Variants in ZNF135 observed in about 807,000 individuals in gnomAD.
ZNF135 encodes zinc finger protein 135, also known as zinc finger protein 135 (clone pHZ-17).
A neutral mutation model predicts 12.3 loss-of-function variants in ZNF135; 11 were observed. The observed-to-expected ratio is 0.89, with a 90% CI of 0.56 to 1.48. The LOEUF (loss-of-function observed/expected upper bound fraction) is 1.48. Among genes scored for constraint, ZNF135 ranks in the 40% most tolerant of loss-of-function variants. The pLI, the probability that ZNF135 is intolerant of heterozygous loss-of-function variation, is 0.00. For missense variants in ZNF135, 722 were observed against 815.7 expected (o/e 0.89, Z 1.40); for synonymous variants, 316 against 312.0 (o/e 1.01, Z -0.14).
At chr19:58,064,375 C>G (rs1266253110) in intron 4 of ZNF135, among the ~76,000 whole-genome samples, 1 of 152,140 alleles carries the variant, frequency 6.6e-6, no homozygotes, top group Non-Finnish European at 1.5e-5. Context: ...CATGGATTTT[C>G]TTCTGCCTGA....
rs543614649 is a variant in ZNF135, at chr19:58,065,868, A to G, written c.257-873A>G. 6.6e-6 allele frequency among the ~76,000 whole-genome samples: 1 copy of G among 152,090 alleles called. No homozygotes were observed. Among genetic ancestry groups the G allele is most frequent in the African/African-American group, 2.4e-5 (1 of 41,490 alleles). The stretch of plus-strand genomic sequence containing the variant: ...TCACTGAAACATAACAATATGGGGA[A>G]GGTGCCCACATCACACCTCTAGGCC... On this transcript the variant is annotated intron_variant, in intron 4 of 4. Transcript: ENST00000313434. This position sits in a 1 kb window ranked among gnomAD's most constrained non-coding sequence, Gnocchi z 4.0.
At chr19:58,066,432 T>TCCTC (rs572520411) in intron 4 of ZNF135, among the ~76,000 whole-genome samples, 57,931 of 151,806 alleles carry the variant, frequency 0.38, 11,145 homozygotes, top group Admixed American at 0.44. Flanking sequence ...CTCTGCATCC[T>TCCTC]CCTCTGTGCT....
In ZNF135 at chr19:58,059,969, A is replaced by G. The variant is rs769563144; in HGVS notation, c.-34A>G. ...GCTGCTCACCTCCCCTTTCCCACAG[A>G]GCAGGGCCAGCCGTTCCTGCCAGAA... On this transcript the variant is annotated splice_region_variant and 5_prime_UTR_variant, in exon 2 of 5. Transcript: ENST00000313434. The surrounding 1 kb of genome is among the most constrained non-coding windows in gnomAD (Gnocchi z 6.5). The G allele has an allele frequency of 6.2e-7, 1 of 1,612,860 alleles. No individual in the cohort carries two copies. Among genetic ancestry groups the G allele is most frequent in the South Asian group, 1.1e-5 (1 of 91,072 alleles).
At position 58,059,371 on chromosome 19, in the gene ZNF135, CG is replaced by C. The variant is rs532198521; in HGVS notation, c.-35+67del. 4,647 of 231,330 alleles carry C rather than the reference CG, an allele frequency of 0.02. 52 individuals are homozygous for C. Among genetic ancestry groups the C allele is most frequent in the Non-Finnish European group, 0.021 (3,073 of 147,374 alleles). The allele number at this position is 231,330 out of a possible 1,614,324, so 14.3% of individuals were successfully genotyped here. On this transcript the variant is annotated intron_variant, in intron 1 of 4. Transcript: ENST00000313434. This position sits in a 1 kb window ranked among gnomAD's most constrained non-coding sequence, Gnocchi z 6.5. ...AGGCCGGGCCGGGCCGGGCCGGGTG[CG>C]GGGGGTCCGGGGATCTTCCTGAGGC...
rs1368410227 is a variant in ZNF135 at position 58,060,617 on chromosome 19, A to G, written c.33+582A>G. ...GCGGAACTCGCCTTTTTATGATGAC[A>G]TTAACCCCACCCATAAGCCACCAGA... On this transcript the variant is annotated intron_variant, in intron 2 of 4. Coordinates refer to ENST00000313434, the MANE Select transcript of ZNF135 (RefSeq NM_001289401.2). This position sits in a 1 kb window ranked among gnomAD's most constrained non-coding sequence, Gnocchi z 4.9. Among the ~76,000 whole-genome samples, 1 of 152,158 alleles carries G rather than the reference A, an allele frequency of 6.6e-6. No homozygotes were observed. The highest frequency in any genetic ancestry group is 1.5e-5 in the Non-Finnish European group (1 of 68,038).
intron 4 of ZNF135, among the ~76,000 whole-genome samples, chr19:58,064,431 C>T (rs1184186456): frequency 3.9e-5 from 6 of 152,112 alleles, no homozygotes; most frequent in Non-Finnish European, 8.8e-5. Context: ...TACTCCTCAG[C>T]CTACTCACTG....
intron 2 of ZNF135, among the ~76,000 whole-genome samples, chr19:58,061,367 G>A (rs1395758092): frequency 6.6e-6 from 1 of 152,182 alleles, no homozygotes; most frequent in Non-Finnish European, 1.5e-5. Flanking sequence ...TATTTCAAGA[G>A]ACAAATTATT....
chr19:58,062,452 G>T (rs1041601325), intron 3 of ZNF135, among the ~76,000 whole-genome samples: 1 of 151,898 alleles, frequency 6.6e-6, no homozygotes, highest in African/African-American at 2.4e-5. Context: ...GTGCGATCTC[G>T]GCTCACTGCA....
rs554727160 is a variant in ZNF135, at chr19:58,068,871, A to C, written c.*410A>C. The C allele has an allele frequency of 5.7e-6, 1 of 174,650 alleles. No homozygotes were observed. The highest frequency in any genetic ancestry group is 5.4e-5 in the Admixed American group (1 of 18,600). 10.8% of individuals were successfully genotyped at this position (174,650 alleles called of 1,614,324 possible). On this transcript the variant is annotated 3_prime_UTR_variant, in exon 5 of 5. Coordinates refer to ENST00000313434, the MANE Select transcript of ZNF135 (RefSeq NM_001289401.2). ...CCAACAAATGCCTTTCATATATACG[A>C]GAACCAAATGAAGTCAGAATTTGCC... is the stretch of plus-strand genomic sequence containing the variant.
rs2073936756 is a variant in ZNF135, at chr19:58,059,816, A to T, written c.-34-153A>T. ...CCCTAGGCTGCCCTTCTCCGAGCGG[A>T]GGGCCGCCCCACACACAGCAGGCGC... On this transcript the variant is annotated intron_variant, in intron 1 of 4. Transcript: ENST00000313434. The surrounding 1 kb of genome is among the most constrained non-coding windows in gnomAD (Gnocchi z 6.5). 1 of 901,196 alleles carries T rather than the reference A, an allele frequency of 1.1e-6. No individual in the cohort carries two copies. Among genetic ancestry groups the T allele is most frequent in the African/African-American group, 1.7e-5 (1 of 59,002 alleles). The allele number at this position is 901,196 out of a possible 1,614,324, so 55.8% of individuals were successfully genotyped here.
In ZNF135 at chr19:58,060,342, C is replaced by T. The variant is rs1447135084; in HGVS notation, c.33+307C>T. ...TGCACACCCGGCCTCCTAAAGTCCGCGCCAAGCTCCCCAACCACAGCCTGC... is the reference window on the plus strand; with the variant it reads ...TGCACACCCGGCCTCCTAAAGTCCGTGCCAAGCTCCCCAACCACAGCCTGC... On this transcript the variant is annotated intron_variant, in intron 2 of 4. Transcript: ENST00000313434. This position sits in a 1 kb window ranked among gnomAD's most constrained non-coding sequence, Gnocchi z 4.9. 26 of 1,309,034 alleles carry T rather than the reference C, an allele frequency of 2.0e-5. No individual in the cohort carries two copies. The highest frequency in any genetic ancestry group is 3.0e-4 in the Middle Eastern group (1 of 3,382). The allele number at this position is 1,309,034 out of a possible 1,614,324, so 81.1% of individuals were successfully genotyped here.
rs12461217 is a variant in ZNF135 at position 58,068,559 on chromosome 19, A to C, written c.*98A>C. ...TCATACACATGAGAAACGTACATTC[A>C]TACACAAGCCTTTTCACACAGCACT... On this transcript the variant is annotated 3_prime_UTR_variant, in exon 5 of 5. Transcript: ENST00000313434. 0.27 allele frequency: 366,587 copies of C among 1,366,524 alleles called. 49,675 individuals carry two copies. The highest frequency in any genetic ancestry group is 0.28 in the Middle Eastern group (1,396 of 5,054). 84.6% of individuals were successfully genotyped at this position (1,366,524 alleles called of 1,614,324 possible). A position where few individuals can be genotyped will look rare whatever the true frequency, so the allele number is the denominator to read the frequency against.
At chr19:58,062,534 C>G (rs1034280977) in intron 3 of ZNF135, among the ~76,000 whole-genome samples, 10 of 147,338 alleles carry the variant, frequency 6.8e-5, no homozygotes, top group Admixed American at 2.8e-4. Context: ...AGGTGCCCAC[C>G]ACCACGCCTG....
In ZNF135 at chr19:58,067,556, G is replaced by A. The variant is rs1195159854; in HGVS notation, c.1072G>A (p.Glu358Lys). The part of the protein sequence containing the change: ...HTGEKPYQCG[E>K]CGKAFSHSSS... ...TGGGGAGAAACCCTATCAGTGTGGT[G>A]AGTGTGGCAAGGCCTTCAGCCACAG... Residue 358 changes from glutamate to lysine, a missense_variant, in exon 5 of 5, where the codon GAG (glutamate) becomes AAG (lysine). Transcript: ENST00000313434. 2 of 1,613,848 alleles carry A rather than the reference G, an allele frequency of 1.2e-6. No individual in the cohort carries two copies. Among genetic ancestry groups the A allele is most frequent in the Non-Finnish European group, 1.7e-6 (2 of 1,179,942 alleles).
chr19:58,067,479 G>C lies in ZNF135; in HGVS notation c.995G>C (p.Gly332Ala). 6.2e-7 allele frequency: 1 copy of C among 1,614,140 alleles called. No individual in the cohort carries two copies. The highest frequency in any genetic ancestry group is 8.5e-7 in the Non-Finnish European group (1 of 1,180,032). The change falls in exon 5 of 5, where the codon GGG becomes GCG. Residue 332 changes from glycine to alanine, a missense_variant. Gly to Ala is a moderately conservative substitution (Grantham distance 60, BLOSUM62 0). Coordinates refer to ENST00000313434, the MANE Select transcript of ZNF135 (RefSeq NM_001289401.2). ...AAGCCCTACGAGTGCAGTGAGTGTG[G>C]GAAAGCCTTCCGGCAAAGCATCCAC... ...GEKPYECSEC[G>A]KAFRQSIHLT...
Position 58,068,140 on chromosome 19 carries a change from T to A in ZNF135, c.1656T>A (p.Cys552Ter), listed in dbSNP as rs761673635. 6.2e-7 allele frequency: 1 copy of A among 1,612,778 alleles called. No homozygotes were observed. Among genetic ancestry groups the A allele is most frequent in the South Asian group, 1.1e-5 (1 of 91,006 alleles). ...ACACAGGAGAGAAACCCTATGAATG[T>A]AACCAGTGTGGCAGAGCCTTCAGCC... The part of the protein sequence containing the change: ...RIHTGEKPYE[C>*]NQCGRAFSQS... Residue 552 changes from cysteine to a stop codon, truncating the protein, a stop_gained, in exon 5 of 5, where the codon TGT (cysteine) becomes TGA (stop). Coordinates refer to ENST00000313434, the MANE Select transcript of ZNF135 (RefSeq NM_001289401.2). LOFTEE classifies it low-confidence loss of function (END_TRUNC).
In ZNF135 at chr19:58,060,987, G is replaced by A. The variant is rs1422403828; in HGVS notation, c.34-593G>A. 1.3e-5 allele frequency among the ~76,000 whole-genome samples: 2 copies of A among 151,956 alleles called. No individual in the cohort carries two copies. Among genetic ancestry groups the A allele is most frequent in the South Asian group, 4.2e-4 (2 of 4,814 alleles). ...TAAAAATACAAAAAAAAATTAGCCGGGGGGGTGGCGGGCGCCTGTAGTCCC... is the reference window on the plus strand; with the variant it reads ...TAAAAATACAAAAAAAAATTAGCCGAGGGGGTGGCGGGCGCCTGTAGTCCC... On this transcript the variant is annotated intron_variant, in intron 2 of 4. Transcript: ENST00000313434. This position sits in a 1 kb window ranked among gnomAD's most constrained non-coding sequence, Gnocchi z 4.9.
intron 3 of ZNF135, 111 bp downstream of exon 3, chr19:58,061,817 A>T (rs2073987469): frequency 7.2e-7 from 1 of 1,387,744 alleles, no homozygotes; most frequent in African/African-American, 1.5e-5. Flanking sequence ...CTGGGGCTGT[A>T]TGTCTTGGGC....
intron 3 of ZNF135, among the ~76,000 whole-genome samples, chr19:58,062,547 TA>T (rs901491866): frequency 3.8e-5 from 3 of 79,984 alleles, no homozygotes; most frequent in African/African-American, 2.0e-4. Context: ...CACGCCTGGC[TA>T]ATTTTTTTTT....
Sources: allele counts gnomAD v4.1 joint callset (sites outside exome capture counted in the v4.1 genomes callset), GRCh38; gene constraint gnomAD v4.1.1; non-coding constraint Gnocchi (gnomAD v3.1); transcripts MANE v1.5; gene names NCBI Gene and HGNC (gene_info 2026-07-23, HGNC 2026-07-21).